Variants in LRP12 observed in about 807,000 individuals in gnomAD.
LRP12 encodes the protein low-density lipoprotein receptor-related protein 12.
LRP12 carries 14 observed loss-of-function variants against 66.0 expected under a neutral mutation model. That is an observed-to-expected ratio of 0.21 (90% confidence interval 0.14 to 0.33). LRP12 has a LOEUF of 0.33. LRP12 is among the 10% of genes least tolerant of loss of function. The pLI, the probability that LRP12 is intolerant of heterozygous loss-of-function variation, is 1.00. For synonymous variants in LRP12, 357 were observed against 359.1 expected, an observed-to-expected ratio of 0.99 and a Z score of 0.07; for missense variants, 889 against 1,053.4, an observed-to-expected ratio of 0.84 and a Z score of 2.16.
At chr8:104,547,557 T>TA (rs1811600512) in intron 1 of LRP12, among the ~76,000 whole-genome samples, 1 of 126,948 alleles carries the variant, frequency 7.9e-6, no homozygotes, top group Admixed American at 8.9e-5. Flanking sequence ...TAATTACATA[T>TA]TATATATTAA....
intron 2 of LRP12, among the ~76,000 whole-genome samples, chr8:104,511,285 T>C (rs1384075431): frequency 6.6e-6 from 1 of 151,774 alleles, no homozygotes; most frequent in Non-Finnish European, 1.5e-5. Flanking sequence ...CTTGTGATGT[T>C]ACCACCTCAG....
intron 2 of LRP12, among the ~76,000 whole-genome samples, chr8:104,519,057 A>C (rs112769458): frequency 6.6e-6 from 1 of 152,222 alleles, no homozygotes; most frequent in East Asian, 1.9e-4. Context: ...AACATAACTA[A>C]GCCCTGTAAC....
At chr8:104,558,500 A>G (rs542047303) in intron 1 of LRP12, among the ~76,000 whole-genome samples, 30 of 152,322 alleles carry the variant, frequency 2.0e-4, no homozygotes, top group Admixed American at 2.0e-3. Context: ...AACCATAAAA[A>G]TTCTAGAAGA....
intron 3 of LRP12, chr8:104,505,464 G>A (rs2140839869): frequency 6.8e-6 from 1 of 146,444 alleles, no homozygotes; most frequent in African/African-American, 2.6e-5. Context: ...GAGCACAGTG[G>A]CATGATCTTG....
Position 104,491,345 on chromosome 8 carries a change from T to A in LRP12, c.1908A>T (p.Arg636Ser). 1 of 1,614,158 alleles carries A rather than the reference T, an allele frequency of 6.2e-7. No homozygotes were observed. The highest frequency in any genetic ancestry group is 8.5e-7 in the Non-Finnish European group (1 of 1,180,014). Residue 636 changes from arginine to serine, a missense_variant, in exon 7 of 7, where the codon AGA (arginine) becomes AGT (serine). Physicochemically the swap from Arg to Ser is moderately radical, Grantham distance 110. Transcript: ENST00000276654. ...DEVVPSQSTSREPERNHTHRS... is the reference protein window; with the variant it reads ...DEVVPSQSTSSEPERNHTHRS... Reference sequence around the variant, plus strand: ...TGTGAGTATGATTTCTCTCAGGTTCTCTACTGGTACTCTGACTAGGGACAA... The same window carrying A: ...TGTGAGTATGATTTCTCTCAGGTTCACTACTGGTACTCTGACTAGGGACAA...
chr8:104,580,026 T>C (rs1296476754), intron 1 of LRP12, among the ~76,000 whole-genome samples: 1 of 151,958 alleles, frequency 6.6e-6, no homozygotes, highest in Admixed American at 6.6e-5. Flanking sequence ...TAGGCAAAGA[T>C]CTCAGGATAA....
At chr8:104,533,820 T>C (rs541551985) in intron 1 of LRP12, among the ~76,000 whole-genome samples, 1 of 151,996 alleles carries the variant, frequency 6.6e-6, no homozygotes, top group Non-Finnish European at 1.5e-5. Context: ...CCAGTTTAGA[T>C]ATATTTTAAA....
intron 2 of LRP12, among the ~76,000 whole-genome samples, chr8:104,530,491 A>C (rs1811309851): frequency 6.6e-6 from 1 of 152,208 alleles, no homozygotes; most frequent in African/African-American, 2.4e-5. Context: ...GTGGCCATCT[A>C]CAGGCCAGGA....
intron 2 of LRP12, among the ~76,000 whole-genome samples, chr8:104,518,471 C>T (rs930592336): frequency 6.6e-6 from 1 of 151,962 alleles, no homozygotes; most frequent in Non-Finnish European, 1.5e-5. Flanking sequence ...CCTATAACAT[C>T]TGGAAAAATT....
chr8:104,560,879 T>G (rs1811896599), intron 1 of LRP12, among the ~76,000 whole-genome samples: 1 of 152,172 alleles, frequency 6.6e-6, no homozygotes, highest in Non-Finnish European at 1.5e-5. Context: ...TCCCTCATTT[T>G]CCATACCACT....
At chr8:104,550,207 A>G (rs1811705615) in intron 1 of LRP12, among the ~76,000 whole-genome samples, 2 of 152,184 alleles carry the variant, frequency 1.3e-5, no homozygotes. Flanking sequence ...CATGCAGAAA[A>G]AAAGACTCAA....
chr8:104,567,408 C>A (rs761737972), intron 1 of LRP12, among the ~76,000 whole-genome samples: 2 of 152,054 alleles, frequency 1.3e-5, no homozygotes, highest in African/African-American at 2.4e-5. Context: ...GAGAATAGCA[C>A]GGGAAAGACT....
At chr8:104,573,317 T>C (rs923020971) in intron 1 of LRP12, among the ~76,000 whole-genome samples, 3 of 152,166 alleles carry the variant, frequency 2.0e-5, no homozygotes, top group African/African-American at 7.2e-5. Flanking sequence ...AAACCGGATG[T>C]ACCCTACTGA....
chr8:104,513,741 G>A (rs1410827214), intron 2 of LRP12, among the ~76,000 whole-genome samples: 1 of 151,964 alleles, frequency 6.6e-6, no homozygotes, highest in East Asian at 1.9e-4. Flanking sequence ...TCTGTCCTTG[G>A]CCAGCCAGCC....
chr8:104,532,080 A>C (rs1263440532), intron 1 of LRP12, 117 bp from the exon 2 acceptor site: 1 of 589,316 alleles, frequency 1.7e-6, no homozygotes, highest in Non-Finnish European at 3.0e-6. Flanking sequence ...AGAGAAGCTA[A>C]AGTTTCTTAT....
chr8:104,572,286 A>G (rs1812092409), intron 1 of LRP12, among the ~76,000 whole-genome samples: 1 of 152,240 alleles, frequency 6.6e-6, no homozygotes, highest in Admixed American at 6.5e-5. Context: ...AGAGCAGGCA[A>G]GAGTTTTCTG....
chr8:104,541,862 A>G (rs752174607), intron 1 of LRP12, among the ~76,000 whole-genome samples: 2 of 152,188 alleles, frequency 1.3e-5, no homozygotes, highest in Non-Finnish European at 2.9e-5. Context: ...GCTGAATAAT[A>G]TTCCATTATC....
At chr8:104,507,874 T>C (rs994174405) in intron 3 of LRP12, 1 of 152,162 alleles carries the variant, frequency 6.6e-6, no homozygotes, top group Non-Finnish European at 1.5e-5. Flanking sequence ...ATGACAGTTA[T>C]GCTTCTCAAG....
At chr8:104,529,687 A>G (rs1811297811) in intron 2 of LRP12, among the ~76,000 whole-genome samples, 1 of 152,238 alleles carries the variant, frequency 6.6e-6, no homozygotes, top group Non-Finnish European at 1.5e-5. Context: ...CAAGTGATCA[A>G]TGCACATTAT....
Sources: gnomAD v4.1 joint callset for allele counts (sites outside exome capture counted in the v4.1 genomes callset) on GRCh38, gnomAD v4.1.1 for gene constraint, MANE v1.5 for transcripts, NCBI Gene and HGNC (gene_info 2026-07-23, HGNC 2026-07-21) for gene names.